The following CDH9 variants were observed in gnomAD, a reference collection of about 807,000 sequenced individuals.
CDH9 encodes the protein cadherin-9.
In CDH9, 28 loss-of-function variants were observed where a neutral mutation model predicts 70.9. The ratio of observed to expected loss-of-function variants is 0.40; its 90% CI spans 0.29 to 0.54. The LOEUF is 0.54. Among genes scored for constraint, CDH9 ranks in the 20% least tolerant of loss-of-function variants. The pLI, the probability that CDH9 is intolerant of heterozygous loss-of-function variation, is 0.59. For synonymous variants in CDH9, 409 were observed against 343.1 expected (o/e 1.19, Z -2.12); for missense variants, 874 against 984.4 (o/e 0.89, Z 1.50).
At chr5:27,018,209 C>T (rs12188180) in intron 1 of CDH9, among the ~76,000 whole-genome samples, 1 of 151,698 alleles carries the variant, frequency 6.6e-6, no homozygotes, top group Non-Finnish European at 1.5e-5. Context: ...GCCATTTAAA[C>T]TGATTTAAGC....
At chr5:26,891,460 C>A (rs771164703) in intron 7 of CDH9, among the ~76,000 whole-genome samples, 1 of 152,032 alleles carries the variant, frequency 6.6e-6, no homozygotes, top group Non-Finnish European at 1.5e-5. Flanking sequence ...AGTGGATCAT[C>A]TGAAGTCAGG....
chr5:26,945,769 T>A (rs1206028807), intron 2 of CDH9, among the ~76,000 whole-genome samples: 1 of 152,160 alleles, frequency 6.6e-6, no homozygotes, highest in African/African-American at 2.4e-5. Flanking sequence ...TCAATGATAA[T>A]AGCGGAAACC....
intron 7 of CDH9, among the ~76,000 whole-genome samples, chr5:26,895,141 T>G (rs1292311087): frequency 1.3e-5 from 2 of 152,034 alleles, no homozygotes; most frequent in African/African-American, 4.8e-5. Flanking sequence ...TTCCACTGAC[T>G]AAGTCAATTT....
At chr5:26,891,868 G>C (rs1740665997) in intron 7 of CDH9, among the ~76,000 whole-genome samples, 1 of 152,070 alleles carries the variant, frequency 6.6e-6, no homozygotes, top group South Asian at 2.1e-4. Context: ...CTAAAAACTA[G>C]GAATGGTCCT....
At chr5:26,993,442 C>T (rs529354223) in intron 1 of CDH9, among the ~76,000 whole-genome samples, 129 of 151,928 alleles carry the variant, frequency 8.5e-4, no homozygotes, top group African/African-American at 3.1e-3. Flanking sequence ...AAGAATAAAA[C>T]AAAGTTTAAA....
chr5:26,979,074 A>G (rs1742353314), intron 2 of CDH9, among the ~76,000 whole-genome samples: 1 of 151,778 alleles, frequency 6.6e-6, no homozygotes, highest in Non-Finnish European at 1.5e-5. Context: ...AAAAGCACTG[A>G]CTAGACATAT....
intron 2 of CDH9, among the ~76,000 whole-genome samples, chr5:26,977,860 A>G (rs1317400552): frequency 1.3e-5 from 2 of 152,114 alleles, no homozygotes; most frequent in African/African-American, 4.8e-5. Context: ...CCTTTTAAGT[A>G]GATGTGCTTG....
intron 2 of CDH9, among the ~76,000 whole-genome samples, chr5:26,950,322 T>C (rs975853313): frequency 2.0e-5 from 3 of 152,196 alleles, no homozygotes; most frequent in African/African-American, 7.2e-5. Context: ...GTATGGGACA[T>C]GGAAAAATAC....
At chr5:26,922,438 T>C (rs1402161418) in intron 2 of CDH9, among the ~76,000 whole-genome samples, 1 of 151,994 alleles carries the variant, frequency 6.6e-6, no homozygotes, top group East Asian at 1.9e-4. Context: ...CACAACATAT[T>C]TAAAGTGCTA....
At chr5:26,924,586 A>C (rs1393042090) in intron 2 of CDH9, among the ~76,000 whole-genome samples, 1 of 150,296 alleles carries the variant, frequency 6.7e-6, no homozygotes, top group Non-Finnish European at 1.5e-5. Context: ...TCTAGAGTAC[A>C]TGTGCACAAC....
intron 2 of CDH9, among the ~76,000 whole-genome samples, chr5:26,958,855 T>C (rs1741988741): frequency 6.6e-6 from 1 of 152,088 alleles, no homozygotes. Flanking sequence ...TGGCAATAAT[T>C]AACTCAAAAT....
chr5:26,972,268 G>A (rs889065383), intron 2 of CDH9, among the ~76,000 whole-genome samples: 2 of 152,136 alleles, frequency 1.3e-5, no homozygotes, highest in African/African-American at 4.8e-5. Context: ...ACGGCTGTCA[G>A]CAGCAACTAA....
intron 1 of CDH9, among the ~76,000 whole-genome samples, chr5:27,028,853 T>G (rs1442448129): frequency 6.6e-6 from 1 of 152,008 alleles, no homozygotes; most frequent in African/African-American, 2.4e-5. Context: ...GATGGAGTGT[T>G]GGTAGGGATA....
At chr5:26,986,613 G>T (rs1233029834) in intron 2 of CDH9, among the ~76,000 whole-genome samples, 1 of 152,038 alleles carries the variant, frequency 6.6e-6, no homozygotes, top group African/African-American at 2.4e-5. Flanking sequence ...TTTATCTGTG[G>T]CTATTCTTCT....
At chr5:27,016,630 T>A (rs1006722924) in intron 1 of CDH9, among the ~76,000 whole-genome samples, 2 of 151,876 alleles carry the variant, frequency 1.3e-5, no homozygotes, top group African/African-American at 4.8e-5. Flanking sequence ...CTCCAAAAGT[T>A]GTAGCTTTAA....
At chr5:26,976,815 C>A (rs957411656) in intron 2 of CDH9, among the ~76,000 whole-genome samples, 1 of 151,864 alleles carries the variant, frequency 6.6e-6, no homozygotes, top group African/African-American at 2.4e-5. Context: ...TCTATTAAGT[C>A]TTTTTGGTTT....
chr5:26,965,002 T>C (rs1742105024), intron 2 of CDH9, among the ~76,000 whole-genome samples: 1 of 152,178 alleles, frequency 6.6e-6, no homozygotes, highest in African/African-American at 2.4e-5. Context: ...TCTTAATTTA[T>C]CAAAATTTCA....
chr5:27,026,999 G>T (rs1273060177), intron 1 of CDH9, among the ~76,000 whole-genome samples: 1 of 151,868 alleles, frequency 6.6e-6, no homozygotes, highest in Admixed American at 6.6e-5. Context: ...AAGACTAAAA[G>T]GGGGAAGTCG....
intron 2 of CDH9, among the ~76,000 whole-genome samples, chr5:26,968,517 C>T (rs1742165959): frequency 6.6e-6 from 1 of 152,086 alleles, no homozygotes; most frequent in Non-Finnish European, 1.5e-5. Flanking sequence ...AACTCTTGAC[C>T]TCAGGAGATC....
Sources: allele counts gnomAD v4.1 joint callset (sites outside exome capture counted in the v4.1 genomes callset), GRCh38; gene constraint gnomAD v4.1.1; transcripts MANE v1.5; gene names NCBI Gene and HGNC (gene_info 2026-07-23, HGNC 2026-07-21).